The following ASB1 variants were observed in gnomAD, a reference collection of about 807,000 sequenced individuals.
The protein encoded by ASB1 is ankyrin repeat and SOCS box protein 1.
A neutral mutation model predicts 27.7 loss-of-function variants in ASB1; 18 were observed. The observed-to-expected ratio is 0.65, with a 90% CI of 0.45 to 0.96. ASB1 has a LOEUF of 0.96. Among genes scored for constraint, ASB1 ranks in the 50% least tolerant of loss-of-function variants. ASB1 has a pLI of 0.00. For missense variants in ASB1, 397 were observed against 451.7 expected (o/e 0.88, Z 1.10); for synonymous variants, 189 against 187.6 (o/e 1.01, Z -0.06).
chr2:238,427,125 G>A lies in ASB1; in HGVS notation c.49+6G>A. 1 of 1,248,218 alleles carries A rather than the reference G, an allele frequency of 8.0e-7. No individual in the cohort carries two copies. Among genetic ancestry groups the A allele is most frequent in the Non-Finnish European group, 1.0e-6 (1 of 996,456 alleles). The allele number at this position is 1,248,218 out of a possible 1,614,324, so 77.3% of individuals were successfully genotyped here. ...GGCAGGGCCGGGCTCCGCAGGTAAC[G>A]TGCGCGCGGCCACTGGGCCGCGGGG... On this transcript the variant is annotated splice_donor_region_variant and intron_variant, in intron 1 of 4. Coordinates refer to ENST00000264607, the MANE Select transcript of ASB1 (RefSeq NM_001040445.3).
intron 1 of ASB1, among the ~76,000 whole-genome samples, chr2:238,429,070 A>G (rs919695597): frequency 5.9e-5 from 9 of 152,280 alleles, no homozygotes; most frequent in African/African-American, 1.9e-4. Context: ...TGGGATCAGC[A>G]TGAGCAACTC....
At position 238,432,019 on chromosome 2, in the gene ASB1, C is replaced by T. The variant is rs529785758; in HGVS notation, c.50-1535C>T. Among the ~76,000 whole-genome samples the T allele has an allele frequency of 2.0e-5, 3 of 152,288 alleles. No homozygotes were observed. In the South Asian group the frequency reaches 6.2e-4, roughly 32 times the overall value. ...TTGCTCAGCACAGGGTTGCCACAAA[C>T]CTTCAGTTTGTAAAAAAACACAATT... On this transcript the variant is annotated intron_variant, in intron 1 of 4. Coordinates refer to ENST00000264607, the MANE Select transcript of ASB1 (RefSeq NM_001040445.3).
intron 3 of ASB1, 24 bp downstream of exon 3, chr2:238,436,037 G>T: frequency 6.5e-7 from 1 of 1,542,000 alleles, no homozygotes; most frequent in Non-Finnish European, 8.7e-7. Context: ...AGCTCGCCTG[G>T]CTCCTGCAGC....
chr2:238,432,792 C>T (rs1701895945), intron 1 of ASB1, among the ~76,000 whole-genome samples: 1 of 151,604 alleles, frequency 6.6e-6, no homozygotes. Flanking sequence ...AGTCGCCAGG[C>T]TCTGGAGTGC....
chr2:238,437,462 C>A, intron 3 of ASB1, among the ~76,000 whole-genome samples: 1 of 152,088 alleles, frequency 6.6e-6, no homozygotes, highest in East Asian at 1.9e-4. Context: ...GATCTTCTGA[C>A]CTCGTGATCC....
At position 238,450,977 on chromosome 2, in the gene ASB1, T is replaced by G. The variant is rs991945319; in HGVS notation, c.*4466T>G. The G allele has an allele frequency of 2.1e-5, 3 of 139,662 alleles. No individual in the cohort carries two copies. The highest frequency in any genetic ancestry group is 7.4e-5 in the African/African-American group (3 of 40,396). 8.7% of individuals were successfully genotyped at this position (139,662 alleles called of 1,614,324 possible). On this transcript the variant is annotated 3_prime_UTR_variant, in exon 5 of 5. Transcript: ENST00000264607. ...GCCATGTGACCTCCTTTCTCACTTA[T>G]GCCTCACTCCCCTCCTCCCGCTCCA...
At chr2:238,438,928 A>AT (rs1297292646) in intron 3 of ASB1, among the ~76,000 whole-genome samples, 1 of 152,238 alleles carries the variant, frequency 6.6e-6, no homozygotes, top group African/African-American at 2.4e-5. Context: ...TATTAAAAGC[A>AT]ATAGAGGAAT....
chr2:238,444,421 G>A lies in ASB1; in HGVS notation c.574G>A (p.Val192Met). ...PRFSRRLTSL[V>M]VCPLYISAAY... is the part of the protein sequence containing the mutation. Reference sequence around the variant, plus strand: ...ATTCTCCCGGCGGCTCACCTCCTTGGTGGTCTGCCCCTTGTACATCAGCGC... The same window carrying A: ...ATTCTCCCGGCGGCTCACCTCCTTGATGGTCTGCCCCTTGTACATCAGCGC... Residue 192 changes from valine (V) to methionine (M), a missense_variant, in exon 4 of 5, where the codon GTG becomes ATG. By Grantham distance (21) the Val-to-Met change is conservative (BLOSUM62 1). Transcript: ENST00000264607. 4 of 1,613,958 alleles carry A rather than the reference G, an allele frequency of 2.5e-6. No individual in the cohort carries two copies. Among genetic ancestry groups the A allele is most frequent in the Non-Finnish European group, 2.5e-6 (3 of 1,179,942 alleles).
In ASB1 at chr2:238,450,962, C is replaced by T. The variant is rs1232145156; in HGVS notation, c.*4451C>T. The T allele has an allele frequency of 6.6e-6, 1 of 152,266 alleles. No homozygotes were observed. The highest frequency in any genetic ancestry group is 2.4e-5 in the African/African-American group (1 of 41,414). The allele number at this position is 152,266 out of a possible 1,614,324, so 9.4% of individuals were successfully genotyped here. ...GAAGTACCTGTTTGGGCCATGTGAC[C>T]TCCTTTCTCACTTATGCCTCACTCC... is the stretch of plus-strand genomic sequence containing the variant. On this transcript the variant is annotated 3_prime_UTR_variant, in exon 5 of 5. Transcript: ENST00000264607.
At chr2:238,428,506 A>C (rs571841997) in intron 1 of ASB1, among the ~76,000 whole-genome samples, 1 of 152,302 alleles carries the variant, frequency 6.6e-6, no homozygotes, top group South Asian at 2.1e-4. Context: ...CATATTGGCC[A>C]GGCTGATAGC....
At chr2:238,432,377 T>C (rs1260489730) in intron 1 of ASB1, among the ~76,000 whole-genome samples, 3 of 152,250 alleles carry the variant, frequency 2.0e-5, no homozygotes, top group Non-Finnish European at 2.9e-5. Context: ...TTCTGTTCTT[T>C]TGTGTTGTTT....
rs1702250191 is a variant in ASB1 at position 238,449,897 on chromosome 2, C to T, written c.*3386C>T. On this transcript the variant is annotated 3_prime_UTR_variant, in exon 5 of 5. Coordinates refer to ENST00000264607, the MANE Select transcript of ASB1 (RefSeq NM_001040445.3). ...AGATACAGCAGACATAGGACTGAGC[C>T]AAGGAAGAGTCTGCCTGAGAGAGAC... 1 of 152,174 alleles carries T rather than the reference C, an allele frequency of 6.6e-6. No individual in the cohort carries two copies. Among genetic ancestry groups the T allele is most frequent in the Admixed American group, 6.5e-5 (1 of 15,284 alleles). 9.4% of individuals were successfully genotyped at this position (152,174 alleles called of 1,614,324 possible).
intron 1 of ASB1, among the ~76,000 whole-genome samples, chr2:238,429,986 T>G (rs560086473): frequency 4.6e-5 from 7 of 151,664 alleles, no homozygotes; most frequent in African/African-American, 7.3e-5. Context: ...TCTAAAAATG[T>G]ACACGTTTTA....
intron 3 of ASB1, among the ~76,000 whole-genome samples, chr2:238,436,377 G>A (rs12104686): frequency 6.6e-6 from 1 of 151,794 alleles, no homozygotes; most frequent in Non-Finnish European, 1.5e-5. Context: ...TTTCCTCTTT[G>A]TTCTTAGAGT....
intron 1 of ASB1, among the ~76,000 whole-genome samples, chr2:238,429,135 C>A (rs1034099278): frequency 4.6e-5 from 7 of 152,074 alleles, no homozygotes; most frequent in Admixed American, 3.3e-4. Flanking sequence ...CCCCGTTTCA[C>A]CTGTGGTTGA....
At chr2:238,438,655 G>T (rs1408827371) in intron 3 of ASB1, among the ~76,000 whole-genome samples, 1 of 152,214 alleles carries the variant, frequency 6.6e-6, no homozygotes, top group Non-Finnish European at 1.5e-5. Context: ...TTGGATAGTA[G>T]AGTGATACGG....
Position 238,437,557 on chromosome 2 carries a change from G to T in ASB1, c.494+1544G>T, listed in dbSNP as rs559074235. Among the ~76,000 whole-genome samples the T allele has an allele frequency of 5.5e-5, 7 of 126,550 alleles. No homozygotes were observed. In the East Asian group the frequency reaches 1.4e-3, roughly 26 times the overall value. The allele number at this position is 126,550 out of a possible 152,430, so 83.0% of individuals were successfully genotyped here. On this transcript the variant is annotated intron_variant, in intron 3 of 4. Coordinates refer to ENST00000264607, the MANE Select transcript of ASB1 (RefSeq NM_001040445.3). Reference sequence around the variant, plus strand: ...CAGTCTTATTTTAATCATACTAACGGTTGCCTTTTTTTTTTTCTTTTTCAA... The same window carrying T: ...CAGTCTTATTTTAATCATACTAACGTTTGCCTTTTTTTTTTTCTTTTTCAA...
At chr2:238,430,391 A>C (rs1362531110) in intron 1 of ASB1, among the ~76,000 whole-genome samples, 2 of 152,228 alleles carry the variant, frequency 1.3e-5, no homozygotes, top group African/African-American at 2.4e-5. Context: ...TCATCCATTC[A>C]AGTTTGATCA....
At chr2:238,445,852 C>G (rs910846171) in intron 4 of ASB1, among the ~76,000 whole-genome samples, 7 of 152,234 alleles carry the variant, frequency 4.6e-5, no homozygotes, top group African/African-American at 1.7e-4. Context: ...GAAGCAGCAG[C>G]TTGCGTTCAG....
Sources: gnomAD v4.1 joint callset for allele counts (sites outside exome capture counted in the v4.1 genomes callset) on GRCh38, gnomAD v4.1.1 for gene constraint, MANE v1.5 for transcripts, NCBI Gene and HGNC (gene_info 2026-07-23, HGNC 2026-07-21) for gene names.